Variants in NEK7 observed in about 807,000 individuals in gnomAD.
The protein encoded by NEK7 is serine/threonine-protein kinase Nek7.
Under a neutral mutation model 44.6 loss-of-function variants are expected in NEK7, and 18 were observed. That is an observed-to-expected ratio of 0.40 (90% confidence interval 0.28 to 0.60). The LOEUF (loss-of-function observed/expected upper bound fraction) is 0.60. Ranked by LOEUF, NEK7 falls within the 20% of genes least tolerant of loss-of-function variation. The pLI is 0.38. For synonymous variants in NEK7, 130 were observed against 121.1 expected (o/e 1.07, Z -0.48); for missense variants, 256 against 366.5 (o/e 0.70, Z 2.46).
In NEK7 at chr1:198,210,860, C is replaced by T. The variant is rs1302732206; in HGVS notation, c.-28-21693C>T. Among the ~76,000 whole-genome samples, 5 of 144,268 alleles carry T rather than the reference C, an allele frequency of 3.5e-5. No individual in the cohort carries two copies. The Admixed American group carries it at 3.7e-4, about 11-fold the overall frequency. 94.6% of individuals were successfully genotyped at this position (144,268 alleles called of 152,430 possible). On this transcript the variant is annotated intron_variant, in intron 1 of 9. Coordinates refer to ENST00000367385, the MANE Select transcript of NEK7 (RefSeq NM_133494.3). ...CTCCGCCTCCCGGGTTCACGCCATT[C>T]TCCTGCCTCAGCCTCCCAAGTAGCT...
chr1:198,253,042 G>A lies in NEK7; in HGVS notation c.60G>A (p.Lys20=). 2 of 1,600,324 alleles carry A rather than the reference G, an allele frequency of 1.2e-6. No individual in the cohort carries two copies. The highest frequency in any genetic ancestry group is 1.1e-5 in the South Asian group (1 of 88,690). The change falls in exon 3 of 10, where the codon AAG becomes AAA. Residue 20 remains lysine, a splice_region_variant and synonymous_variant. Transcript: ENST00000367385. ...TTTTCTGACATTTTTAATTACAGAA[G>A]GCCTTACGACCGGATATGGGCTATA... The part of the protein sequence containing the change: ...GPPVPQFQPQ[K]ALRPDMGYNT...
intron 8 of NEK7, among the ~76,000 whole-genome samples, chr1:198,296,385 T>G (rs1654716008): frequency 6.6e-6 from 1 of 152,188 alleles, no homozygotes; most frequent in Admixed American, 6.5e-5. Flanking sequence ...TGCTTGCACT[T>G]TAAATGTCAA....
intron 2 of NEK7, among the ~76,000 whole-genome samples, chr1:198,248,073 GGGGTGTGA>G (rs1208743618): frequency 1.3e-5 from 2 of 152,088 alleles, no homozygotes; most frequent in African/African-American, 4.8e-5. Flanking sequence ...GAGTACAGAG[GGGGTGTGA>G]GGAGAATGGT....
intron 1 of NEK7, among the ~76,000 whole-genome samples, chr1:198,178,548 G>A (rs1464258841): frequency 6.6e-6 from 1 of 152,004 alleles, no homozygotes; most frequent in East Asian, 1.9e-4. Flanking sequence ...AATCTGCATC[G>A]GGTACTCTTT....
chr1:198,303,582 A>G (rs77745909), intron 9 of NEK7, among the ~76,000 whole-genome samples: 5,177 of 152,182 alleles, frequency 0.034, 107 homozygotes, highest in Middle Eastern at 0.058. Flanking sequence ...TCATTTGAGC[A>G]GTCCAAATAT....
intron 2 of NEK7, among the ~76,000 whole-genome samples, chr1:198,233,678 A>C (rs1046866688): frequency 1.3e-5 from 2 of 150,704 alleles, no homozygotes; most frequent in Admixed American, 1.3e-4. Context: ...ACTAGTGTGC[A>C]TTGTGAATGA....
intron 5 of NEK7, among the ~76,000 whole-genome samples, chr1:198,268,168 G>A (rs941700835): frequency 3.4e-5 from 5 of 148,700 alleles, no homozygotes; most frequent in South Asian, 2.1e-4. Flanking sequence ...ATGTTCTTAC[G>A]TTATAGCTGA....
chr1:198,275,108 C>A (rs1172644995), intron 5 of NEK7, among the ~76,000 whole-genome samples: 1 of 150,404 alleles, frequency 6.6e-6, no homozygotes, highest in Non-Finnish European at 1.5e-5. Flanking sequence ...TGAATAATAT[C>A]CAGTATTTAT....
At chr1:198,169,804 CTTG>C (rs1326593031) in intron 1 of NEK7, among the ~76,000 whole-genome samples, 5 of 152,298 alleles carry the variant, frequency 3.3e-5, no homozygotes, top group East Asian at 1.9e-4. Flanking sequence ...CTTATTGAGT[CTTG>C]TTGTAGTTAT....
At chr1:198,167,514 T>C (rs1664303481) in intron 1 of NEK7, among the ~76,000 whole-genome samples, 2 of 152,206 alleles carry the variant, frequency 1.3e-5, no homozygotes, top group Admixed American at 1.3e-4. Context: ...ATAGTACATC[T>C]AAGTGTTAGT....
At chr1:198,263,755 C>T (rs1245997049) in intron 4 of NEK7, among the ~76,000 whole-genome samples, 1 of 151,798 alleles carries the variant, frequency 6.6e-6, no homozygotes, top group South Asian at 2.1e-4. Flanking sequence ...CTTTATTTAT[C>T]ATTGAGTGTT....
intron 1 of NEK7, among the ~76,000 whole-genome samples, chr1:198,221,959 A>C (rs1666087161): frequency 6.6e-6 from 1 of 151,638 alleles, no homozygotes; most frequent in African/African-American, 2.4e-5. Flanking sequence ...AGTGTCGTTG[A>C]GAACTGTATC....
intron 1 of NEK7, among the ~76,000 whole-genome samples, chr1:198,230,527 C>T (rs747679077): frequency 6.6e-6 from 1 of 151,954 alleles, no homozygotes; most frequent in African/African-American, 2.4e-5. Flanking sequence ...AATTATCAAC[C>T]TGATAAATCA....
intron 7 of NEK7, among the ~76,000 whole-genome samples, chr1:198,279,533 G>T (rs937442803): frequency 3.2e-4 from 49 of 152,030 alleles, no homozygotes; most frequent in South Asian, 2.3e-3. Context: ...CTTAAAAGGA[G>T]TGATAGGGCT....
chr1:198,234,908 C>A (rs1427184857), intron 2 of NEK7, among the ~76,000 whole-genome samples: 1 of 152,178 alleles, frequency 6.6e-6, no homozygotes, highest in Non-Finnish European at 1.5e-5. Flanking sequence ...CTGACAAGAG[C>A]TTATAGGCAT....
chr1:198,274,046 T>G (rs1161257274), intron 5 of NEK7, among the ~76,000 whole-genome samples: 1 of 151,272 alleles, frequency 6.6e-6, no homozygotes, highest in Non-Finnish European at 1.5e-5. Flanking sequence ...AGTGGCACAT[T>G]TAAACATTTG....
At chr1:198,287,502 A>C (rs1654412043) in intron 7 of NEK7, among the ~76,000 whole-genome samples, 1 of 152,094 alleles carries the variant, frequency 6.6e-6, no homozygotes, top group Non-Finnish European at 1.5e-5. Context: ...TTTTTTGAAG[A>C]GATATTTTGA....
At chr1:198,231,336 T>TATAA (rs1445188102) in intron 1 of NEK7, among the ~76,000 whole-genome samples, 1 of 132,856 alleles carries the variant, frequency 7.5e-6, no homozygotes, top group East Asian at 2.0e-4. Context: ...TATATATATA[T>TATAA]AAAAACACAT....
intron 1 of NEK7, among the ~76,000 whole-genome samples, chr1:198,226,221 A>G (rs568369736): frequency 3.3e-5 from 5 of 152,272 alleles, no homozygotes; most frequent in African/African-American, 9.6e-5. Flanking sequence ...ATCAATATGT[A>G]AACACTGACA....
Sources: gnomAD v4.1 joint callset for allele counts (sites outside exome capture counted in the v4.1 genomes callset) on GRCh38, gnomAD v4.1.1 for gene constraint, MANE v1.5 for transcripts, NCBI Gene and HGNC (gene_info 2026-07-23, HGNC 2026-07-21) for gene names.